PLPPR1: variants seen among roughly 807,000 people sequenced by gnomAD.
PLPPR1 encodes the protein phospholipid phosphatase related 1, also known as phospholipid phosphatase-related protein type 1.
In PLPPR1, 10 loss-of-function variants were observed where a neutral mutation model predicts 33.1. That is an observed-to-expected ratio of 0.30 (90% confidence interval 0.19 to 0.51). The LOEUF is 0.51. PLPPR1 is among the 20% of genes least tolerant of loss of function. PLPPR1 has a pLI of 0.97. For missense variants in PLPPR1, 304 were observed against 408.1 expected (o/e 0.74, Z 2.20); for synonymous variants, 151 against 151.0 (o/e 1.00, Z 0.00).
At chr9:101,120,581 TATAAG>T (rs1470169868) in intron 1 of PLPPR1, among the ~76,000 whole-genome samples, 5 of 152,230 alleles carry the variant, frequency 3.3e-5, no homozygotes, top group Non-Finnish European at 7.3e-5. Context: ...GGTATGTGTC[TATAAG>T]ATAAGTGCCA....
chr9:101,259,363 A>G (rs1827856131), intron 2 of PLPPR1, among the ~76,000 whole-genome samples: 1 of 152,198 alleles, frequency 6.6e-6, no homozygotes. Flanking sequence ...GACAAAGGCC[A>G]GTGTGTTCAA....
At chr9:101,120,413 A>C (rs1184499519) in intron 1 of PLPPR1, among the ~76,000 whole-genome samples, 1 of 152,194 alleles carries the variant, frequency 6.6e-6, no homozygotes, top group Non-Finnish European at 1.5e-5. Context: ...CAATGTCTTT[A>C]TCCTTGTATC....
At chr9:101,224,774 G>T (rs1050573010) in intron 2 of PLPPR1, among the ~76,000 whole-genome samples, 1 of 152,128 alleles carries the variant, frequency 6.6e-6, no homozygotes, top group African/African-American at 2.4e-5. Context: ...CCAAAGCTAC[G>T]CACATTAGGT....
chr9:101,293,546 G>C (rs1306864375), intron 4 of PLPPR1, among the ~76,000 whole-genome samples: 17 of 151,574 alleles, frequency 1.1e-4, no homozygotes, highest in Admixed American at 3.3e-4. Context: ...TGACCACATA[G>C]TTGGAAGTAA....
chr9:101,037,380 T>C (rs1830022017), intron 1 of PLPPR1, among the ~76,000 whole-genome samples: 1 of 152,130 alleles, frequency 6.6e-6, no homozygotes, highest in Non-Finnish European at 1.5e-5. Context: ...AAAGTGATCA[T>C]ATTTACTGGA....
At chr9:101,243,393 T>C (rs971882740) in intron 2 of PLPPR1, among the ~76,000 whole-genome samples, 8 of 151,964 alleles carry the variant, frequency 5.3e-5, no homozygotes, top group African/African-American at 1.9e-4. Flanking sequence ...AAAGAAGTGA[T>C]GAGGGCCTGA....
At chr9:101,289,712 C>T (rs2118921091) in intron 4 of PLPPR1, among the ~76,000 whole-genome samples, 1 of 152,304 alleles carries the variant, frequency 6.6e-6, no homozygotes, top group Non-Finnish European at 1.5e-5. Context: ...ATGACTTGCT[C>T]CTCCTTGCCT....
chr9:101,198,706 C>T (rs560577664), intron 2 of PLPPR1, among the ~76,000 whole-genome samples: 10 of 152,114 alleles, frequency 6.6e-5, no homozygotes, highest in East Asian at 5.8e-4. Flanking sequence ...TACCTGAAGA[C>T]GGTGAGGTGG....
At chr9:101,073,667 C>T (rs1830505698) in intron 1 of PLPPR1, among the ~76,000 whole-genome samples, 3 of 152,094 alleles carry the variant, frequency 2.0e-5, no homozygotes, top group African/African-American at 7.2e-5. Flanking sequence ...TTGATGATGG[C>T]AATCTACTAT....
chr9:101,242,451 T>G (rs993294467), intron 2 of PLPPR1, among the ~76,000 whole-genome samples: 11 of 152,152 alleles, frequency 7.2e-5, no homozygotes, highest in Non-Finnish European at 1.5e-4. Flanking sequence ...TCAATTCTAT[T>G]ACAGTAGATA....
intron 1 of PLPPR1, among the ~76,000 whole-genome samples, chr9:101,162,030 C>T (rs905925953): frequency 1.3e-5 from 2 of 151,534 alleles, no homozygotes; most frequent in African/African-American, 4.9e-5. Flanking sequence ...TATGTTCTAG[C>T]TTTGACACTT....
chr9:101,277,421 G>A (rs1828216649), intron 3 of PLPPR1, among the ~76,000 whole-genome samples: 1 of 152,164 alleles, frequency 6.6e-6, no homozygotes, highest in East Asian at 1.9e-4. Flanking sequence ...TTTCAGGGAA[G>A]GTTACTTGGT....
chr9:101,257,272 T>C (rs967954256), intron 2 of PLPPR1, among the ~76,000 whole-genome samples: 1 of 152,174 alleles, frequency 6.6e-6, no homozygotes, highest in Non-Finnish European at 1.5e-5. Context: ...TACTATCTTG[T>C]ATATTGGAGA....
intron 3 of PLPPR1, among the ~76,000 whole-genome samples, chr9:101,275,508 CTG>C (rs1358270729): frequency 6.6e-6 from 1 of 152,228 alleles, no homozygotes. Flanking sequence ...GGGGGATTTA[CTG>C]TGTCCCCGTT....
chr9:101,186,403 G>A (rs191820829), intron 2 of PLPPR1, among the ~76,000 whole-genome samples: 3 of 151,864 alleles, frequency 2.0e-5, no homozygotes, highest in African/African-American at 7.2e-5. Flanking sequence ...CTGAACTTCT[G>A]TCTGGGTAAC....
intron 4 of PLPPR1, among the ~76,000 whole-genome samples, chr9:101,303,614 A>G (rs1237376692): frequency 6.6e-6 from 1 of 152,152 alleles, no homozygotes; most frequent in Non-Finnish European, 1.5e-5. Context: ...ATTTTTGATA[A>G]GAGATTGAGA....
intron 1 of PLPPR1, chr9:101,125,447 C>G: frequency 4.3e-6 from 1 of 231,474 alleles, no homozygotes; most frequent in Non-Finnish European, 8.8e-6. Context: ...TCCTGGAAAC[C>G]TTTTTTATGA....
At chr9:101,119,237 C>A (rs553186408) in intron 1 of PLPPR1, among the ~76,000 whole-genome samples, 1 of 152,306 alleles carries the variant, frequency 6.6e-6, no homozygotes, top group South Asian at 2.1e-4. Context: ...GTGGACAGGG[C>A]CTTCAGAGTA....
At chr9:101,146,198 A>G (rs1831519403) in intron 1 of PLPPR1, among the ~76,000 whole-genome samples, 1 of 152,152 alleles carries the variant, frequency 6.6e-6, no homozygotes, top group Non-Finnish European at 1.5e-5. Flanking sequence ...TTTGTTTGCT[A>G]CTGCATCCCC....
Sources: allele counts gnomAD v4.1 joint callset (sites outside exome capture counted in the v4.1 genomes callset), GRCh38; gene constraint gnomAD v4.1.1; transcripts MANE v1.5; gene names NCBI Gene and HGNC (gene_info 2026-07-23, HGNC 2026-07-21).